NOVA1: variants seen among roughly 807,000 people sequenced by gnomAD.
NOVA1 encodes the protein RNA-binding protein Nova-1.
NOVA1 carries 7 observed loss-of-function variants against 38.0 expected under a neutral mutation model. That is an observed-to-expected ratio of 0.18 (90% CI 0.10 to 0.35). The LOEUF (loss-of-function observed/expected upper bound fraction) is 0.35, where lower values mean the gene tolerates loss of function less well. Ranked by LOEUF, NOVA1 falls within the 10% of genes least tolerant of loss-of-function variation. NOVA1 has a pLI of 1.00. For missense variants in NOVA1, 460 were observed against 616.0 expected, an observed-to-expected ratio of 0.75 and a Z score of 2.68; for synonymous variants, 270 against 232.5, an observed-to-expected ratio of 1.16 and a Z score of -1.47.
At position 26,448,041 on chromosome 14, in the gene NOVA1, G is replaced by A; in HGVS notation, c.1442C>T (p.Thr481Ile). The A allele has an allele frequency of 1.2e-6, 2 of 1,614,186 alleles. No homozygotes were observed. The highest frequency in any genetic ancestry group is 1.7e-6 in the Non-Finnish European group (2 of 1,180,028). Residue 481 changes from threonine (T) to isoleucine (I), a missense_variant, in exon 5 of 5, where the codon ACA becomes ATA. Coordinates refer to ENST00000539517, the MANE Select transcript of NOVA1 (RefSeq NM_002515.3). This position sits in a 1 kb window ranked among gnomAD's most constrained non-coding sequence, Gnocchi z 5.3. ...TGTAATTAAATATTGAGCAGCCTGT[G>A]TTGCAGCTGGTGTTCCAGTAATGGT... The part of the protein sequence containing the change: ...KVTITGTPAA[T>I]QAAQYLITQR...
intron 2 of NOVA1, among the ~76,000 whole-genome samples, chr14:26,556,906 A>G (rs908629425): frequency 3.9e-5 from 6 of 152,214 alleles, no homozygotes; most frequent in Non-Finnish European, 5.9e-5. Flanking sequence ...CTGTTATAAC[A>G]AAGTACTACA....
At position 26,470,480 on chromosome 14, in the gene NOVA1, A is replaced by T. The variant is rs748491987; in HGVS notation, c.519+1840T>A. On this transcript the variant is annotated intron_variant, in intron 4 of 4. Transcript: ENST00000539517. ...TATCTTGCTTCATGATATCCAGGAGATATTATGCTTCTTTGTACAAGAACA... is the reference window on the plus strand; with the variant it reads ...TATCTTGCTTCATGATATCCAGGAGTTATTATGCTTCTTTGTACAAGAACA... 9 of 1,555,664 alleles carry T rather than the reference A, an allele frequency of 5.8e-6. 1 individual carries two copies.
intron 2 of NOVA1, among the ~76,000 whole-genome samples, chr14:26,561,510 C>T (rs1231083326): frequency 2.6e-5 from 4 of 152,134 alleles, no homozygotes; most frequent in East Asian, 3.9e-4. Flanking sequence ...ACTGTGCTGA[C>T]AGCACATCGT....
At chr14:26,549,793 T>G in intron 2 of NOVA1, 2 of 1,272,468 alleles carry the variant, frequency 1.6e-6, no homozygotes, top group Non-Finnish European at 2.1e-6. Flanking sequence ...TAGGGGAAAG[T>G]GCGCTGTTAA....
At chr14:26,502,037 A>T (rs1385838264) in intron 2 of NOVA1, among the ~76,000 whole-genome samples, 1 of 151,916 alleles carries the variant, frequency 6.6e-6, no homozygotes, top group African/African-American at 2.4e-5. Context: ...ATTAGCAACT[A>T]AGAGAAACAG....
intron 2 of NOVA1, among the ~76,000 whole-genome samples, chr14:26,508,102 G>A (rs1887779328): frequency 6.6e-6 from 1 of 152,004 alleles, no homozygotes; most frequent in Non-Finnish European, 1.5e-5. Context: ...AGCAACTGCT[G>A]TTGTTCATAC....
intron 2 of NOVA1, among the ~76,000 whole-genome samples, chr14:26,523,365 A>G (rs1325919435): frequency 6.6e-6 from 1 of 152,178 alleles, no homozygotes; most frequent in Non-Finnish European, 1.5e-5. Flanking sequence ...GTGCCACCTT[A>G]TTTATAACAA....
chr14:26,473,908 TA>T (rs1884781374), intron 3 of NOVA1, among the ~76,000 whole-genome samples: 1 of 152,054 alleles, frequency 6.6e-6, no homozygotes, highest in South Asian at 2.1e-4. Flanking sequence ...TTTTGTTTTT[TA>T]TAATTAATTC....
chr14:26,456,348 A>G (rs532657667), intron 4 of NOVA1, among the ~76,000 whole-genome samples: 15 of 152,138 alleles, frequency 9.9e-5, no homozygotes, highest in African/African-American at 3.1e-4. Context: ...AAGATGCCAA[A>G]TAAGTGGCTG....
chr14:26,553,086 C>T (rs1891259938), intron 2 of NOVA1, among the ~76,000 whole-genome samples: 1 of 152,198 alleles, frequency 6.6e-6, no homozygotes, highest in African/African-American at 2.4e-5. Flanking sequence ...GTTACAACAG[C>T]AGCTGTAGTG....
At chr14:26,532,226 C>G (rs2138557081) in intron 2 of NOVA1, among the ~76,000 whole-genome samples, 1 of 152,166 alleles carries the variant, frequency 6.6e-6, no homozygotes. Flanking sequence ...TGCACAAAGA[C>G]TTGTACTCAA....
intron 2 of NOVA1, among the ~76,000 whole-genome samples, chr14:26,533,585 T>C (rs1021267156): frequency 1.1e-4 from 17 of 152,238 alleles, no homozygotes; most frequent in Non-Finnish European, 2.2e-4. Context: ...GTCTCAATTG[T>C]TCATGTATTC....
At chr14:26,477,895 A>G (rs977938922) in intron 3 of NOVA1, among the ~76,000 whole-genome samples, 4 of 152,020 alleles carry the variant, frequency 2.6e-5, no homozygotes, top group African/African-American at 9.6e-5. Flanking sequence ...CTTTTATAAT[A>G]TAAAGAAAAT....
chr14:26,554,351 G>A (rs1891352714), intron 2 of NOVA1, among the ~76,000 whole-genome samples: 1 of 148,630 alleles, frequency 6.7e-6, no homozygotes, highest in African/African-American at 2.5e-5. Flanking sequence ...AGGTATATGA[G>A]AAAAAAAAAC....
At chr14:26,491,432 T>C (rs923654954) in intron 2 of NOVA1, among the ~76,000 whole-genome samples, 4 of 152,216 alleles carry the variant, frequency 2.6e-5, no homozygotes, top group Non-Finnish European at 4.4e-5. Flanking sequence ...ACGTTAATAA[T>C]GTCCTTTGAT....
At chr14:26,540,565 A>G (rs928946523) in intron 2 of NOVA1, among the ~76,000 whole-genome samples, 2 of 152,266 alleles carry the variant, frequency 1.3e-5, no homozygotes, top group East Asian at 1.9e-4. Flanking sequence ...CCTACAAACC[A>G]GCATGTACTA....
intron 4 of NOVA1, among the ~76,000 whole-genome samples, chr14:26,461,850 G>C (rs958020057): frequency 1.7e-4 from 26 of 151,730 alleles, no homozygotes; most frequent in African/African-American, 6.3e-4. Flanking sequence ...TGAGGCAGGA[G>C]AATCTCTTGA....
intron 2 of NOVA1, among the ~76,000 whole-genome samples, chr14:26,543,020 A>G (rs2138605775): frequency 6.6e-6 from 1 of 152,106 alleles, no homozygotes; most frequent in South Asian, 2.1e-4. Context: ...ATATATTTCA[A>G]AATAACTAGA....
chr14:26,513,416 T>C (rs1157099275), intron 2 of NOVA1, among the ~76,000 whole-genome samples: 1 of 151,868 alleles, frequency 6.6e-6, no homozygotes, highest in Non-Finnish European at 1.5e-5. Flanking sequence ...TAGGGATACC[T>C]GATAAACAAT....
Sources: allele counts gnomAD v4.1 joint callset (sites outside exome capture counted in the v4.1 genomes callset), GRCh38; gene constraint gnomAD v4.1.1; non-coding constraint Gnocchi (gnomAD v3.1); transcripts MANE v1.5; gene names NCBI Gene and HGNC (gene_info 2026-07-23, HGNC 2026-07-21).